The following DMD variants were observed in gnomAD, a reference collection of about 807,000 sequenced individuals.
DMD encodes dystrophin, also known as mutant dystrophin.
A neutral mutation model predicts 330.1 loss-of-function variants in DMD; 63 were observed. The ratio of observed to expected loss-of-function variants is 0.19; its 90% CI spans 0.16 to 0.24. The LOEUF is 0.24. Among genes scored for constraint, DMD ranks in the 10% least tolerant of loss-of-function variants. The pLI, the probability that DMD is intolerant of heterozygous loss-of-function variation, is 1.00. For synonymous variants in DMD, 1,223 were observed against 959.8 expected (o/e 1.27, Z -5.07); for missense variants, 3,344 against 2,684.1 (o/e 1.25, Z -5.43).
intron 36 of DMD, among the ~76,000 whole-genome samples, chrX:32,364,234 T>C (rs1184128652): frequency 8.9e-6 from 1 of 112,374 alleles, no homozygotes; most frequent in Non-Finnish European, 1.9e-5. Context: ...AAATGAATGA[T>C]AGTGTCAGAT....
intron 44 of DMD, among the ~76,000 whole-genome samples, chrX:32,188,890 G>A (rs1208217491): frequency 9.1e-6 from 1 of 110,287 alleles, no homozygotes; most frequent in African/African-American, 3.3e-5. Context: ...CAAGTTTAAT[G>A]ACAATAAATC....
chrX:32,889,924 C>G (rs376155602), intron 2 of DMD, among the ~76,000 whole-genome samples: 1 of 111,065 alleles, frequency 9.0e-6, no homozygotes, highest in African/African-American at 3.3e-5. Context: ...AGACAAAACC[C>G]CAGAGAAAGG....
intron 1 of DMD, among the ~76,000 whole-genome samples, chrX:33,201,201 G>A (rs186726052): frequency 8.8e-4 from 98 of 110,979 alleles, no homozygotes; most frequent in Non-Finnish European, 1.7e-3. Context: ...AAAGTGTTGG[G>A]ATTACAGGCA....
intron 2 of DMD, among the ~76,000 whole-genome samples, chrX:32,996,908 C>A (rs2093136045): frequency 9.0e-6 from 1 of 111,434 alleles, no homozygotes; most frequent in South Asian, 3.7e-4. Flanking sequence ...GTTCTAATAA[C>A]ATATTTTCAA....
intron 60 of DMD, among the ~76,000 whole-genome samples, chrX:31,360,058 A>AT (rs1218069011): frequency 0.042 from 4,366 of 103,329 alleles, 238 homozygotes; most frequent in African/African-American, 0.14. Context: ...AGAATGAGCA[A>AT]TTTTTTTTTT....
chrX:32,919,410 T>A (rs2088169304), intron 2 of DMD, among the ~76,000 whole-genome samples: 2 of 112,306 alleles, frequency 1.8e-5, no homozygotes, highest in Admixed American at 1.9e-4. Flanking sequence ...TTTTTACTAT[T>A]CAACTATAAA....
intron 44 of DMD, among the ~76,000 whole-genome samples, chrX:31,998,124 T>C (rs2095601877): frequency 9.0e-6 from 1 of 111,726 alleles, no homozygotes; most frequent in African/African-American, 3.3e-5. Flanking sequence ...TGACAAAAAC[T>C]ACATTTTATC....
rs755575744 is a variant in DMD at position 32,815,061 on chromosome X, A to G, written c.530+1407T>C. ...ATTTTCTTCTGTCATACGAGAAACA[A>G]TGTGTTAACGCTGCTTAACGTGACA... is the stretch of plus-strand genomic sequence containing the variant. On this transcript the variant is annotated intron_variant, in intron 6 of 78. Coordinates refer to ENST00000357033, the MANE Select transcript of DMD (RefSeq NM_004006.3). 3.6e-5 allele frequency among the ~76,000 whole-genome samples: 4 copies of G among 111,202 alleles called. No individual in the cohort carries two copies. The East Asian group carries it at 1.1e-3, about 32-fold the overall frequency.
At chrX:32,623,887 G>A (rs1016255540) in intron 11 of DMD, among the ~76,000 whole-genome samples, 14 of 111,891 alleles carry the variant, frequency 1.3e-4, no homozygotes, top group African/African-American at 4.6e-4. Context: ...GGCATGTGAA[G>A]CCAGTATAGA....
chrX:32,210,095 G>A (rs769068534), intron 44 of DMD, among the ~76,000 whole-genome samples: 1 of 111,670 alleles, frequency 9.0e-6, no homozygotes, highest in Admixed American at 9.6e-5. Flanking sequence ...GTGCCCAACT[G>A]TTTAACTGTA....
chrX:33,297,430 GT>G (rs779598399), intron 1 of DMD, among the ~76,000 whole-genome samples: 4 of 110,629 alleles, frequency 3.6e-5, no homozygotes, highest in Non-Finnish European at 7.6e-5. Flanking sequence ...TAGTAGGGAG[GT>G]TTCTCAAACT....
intron 64 of DMD, among the ~76,000 whole-genome samples, chrX:31,222,418 C>G (rs1017973510): frequency 1.7e-5 from 1 of 60,598 alleles, no homozygotes; most frequent in Non-Finnish European, 3.1e-5. Flanking sequence ...AAAAAAAAAA[C>G]AGAAAAAAAG....
intron 26 of DMD, among the ~76,000 whole-genome samples, chrX:32,450,152 T>C (rs1344541899): frequency 9.0e-6 from 1 of 110,795 alleles, no homozygotes; most frequent in Non-Finnish European, 1.9e-5. Flanking sequence ...AGCCCTCAAG[T>C]AAAGGAACTC....
At chrX:32,766,196 G>A (rs2072960161) in intron 7 of DMD, among the ~76,000 whole-genome samples, 1 of 110,673 alleles carries the variant, frequency 9.0e-6, no homozygotes, top group Non-Finnish European at 1.9e-5. Context: ...AGATTACATG[G>A]GAATTTTTGA....
intron 55 of DMD, among the ~76,000 whole-genome samples, chrX:31,607,498 C>T (rs1299715208): frequency 8.9e-6 from 1 of 111,986 alleles, no homozygotes; most frequent in Non-Finnish European, 1.9e-5. Flanking sequence ...CTAAAAACTA[C>T]AACTATACCT....
At chrX:32,873,173 C>T (rs1419544307) in intron 2 of DMD, among the ~76,000 whole-genome samples, 9 of 111,240 alleles carry the variant, frequency 8.1e-5, no homozygotes, top group Admixed American at 3.9e-4. Context: ...ATTTCATCAC[C>T]GACCCTTTCC....
chrX:31,271,819 TG>T (rs2147800776), intron 62 of DMD, among the ~76,000 whole-genome samples: 1 of 111,575 alleles, frequency 9.0e-6, no homozygotes, highest in Non-Finnish European at 1.9e-5. Flanking sequence ...ATCTAACAAA[TG>T]GGTTGGTGTA....
At chrX:32,400,803 C>T (rs768132816) in intron 30 of DMD, among the ~76,000 whole-genome samples, 1 of 107,332 alleles carries the variant, frequency 9.3e-6, no homozygotes, top group South Asian at 4.4e-4. Flanking sequence ...ACTAGAAATA[C>T]CATTTGACCC....
chrX:33,104,602 C>A (rs777896331), intron 1 of DMD, among the ~76,000 whole-genome samples: 1 of 109,995 alleles, frequency 9.1e-6, no homozygotes, highest in East Asian at 2.9e-4. Context: ...TATCTCCCTT[C>A]GCTGACTCTC....
Sources: allele counts gnomAD v4.1 joint callset (sites outside exome capture counted in the v4.1 genomes callset), GRCh38; gene constraint gnomAD v4.1.1; transcripts MANE v1.5; gene names NCBI Gene and HGNC (gene_info 2026-07-23, HGNC 2026-07-21).